The following MAPKAP1 variants were observed in gnomAD, a reference collection of about 807,000 sequenced individuals.
MAPKAP1 encodes the protein target of rapamycin complex 2 subunit MAPKAP1.
A neutral mutation model predicts 65.7 loss-of-function variants in MAPKAP1; 20 were observed. The observed-to-expected ratio is 0.30, with a 90% CI of 0.21 to 0.44. The LOEUF (loss-of-function observed/expected upper bound fraction) is 0.44. Ranked by LOEUF, MAPKAP1 falls within the 20% of genes least tolerant of loss-of-function variation. The pLI is 1.00. For synonymous variants in MAPKAP1, 222 were observed against 244.3 expected (o/e 0.91, Z 0.85); for missense variants, 423 against 648.0 (o/e 0.65, Z 3.77).
chr9:125,622,953 C>T (rs527777283), intron 4 of MAPKAP1, among the ~76,000 whole-genome samples: 5 of 152,280 alleles, frequency 3.3e-5, no homozygotes, highest in East Asian at 3.9e-4. Flanking sequence ...ATTGCAGGCA[C>T]GCGCCGCCAC....
chr9:125,530,015 G>C (rs1829888745), intron 7 of MAPKAP1, among the ~76,000 whole-genome samples: 1 of 152,194 alleles, frequency 6.6e-6, no homozygotes, highest in Non-Finnish European at 1.5e-5. Context: ...AATTACTATT[G>C]GAGTTGTTTA....
chr9:125,695,121 T>C (rs1835345165), intron 1 of MAPKAP1, among the ~76,000 whole-genome samples: 2 of 152,228 alleles, frequency 1.3e-5, no homozygotes, highest in South Asian at 4.1e-4. Context: ...TGGGGATGTG[T>C]CCGTATTTTA....
chr9:125,468,406 C>T (rs931378460), intron 9 of MAPKAP1, among the ~76,000 whole-genome samples: 1 of 152,318 alleles, frequency 6.6e-6, no homozygotes, highest in South Asian at 2.1e-4. Flanking sequence ...GGATCCAACA[C>T]AGAGAGGCTA....
chr9:125,465,022 A>C (rs553643951), intron 10 of MAPKAP1, among the ~76,000 whole-genome samples: 7 of 152,194 alleles, frequency 4.6e-5, no homozygotes, highest in African/African-American at 7.2e-5. Flanking sequence ...CCCTACACTT[A>C]ATGTCTTTTT....
At chr9:125,689,788 T>C (rs1022680174) in intron 1 of MAPKAP1, among the ~76,000 whole-genome samples, 4 of 143,812 alleles carry the variant, frequency 2.8e-5, no homozygotes, top group African/African-American at 1.0e-4. Flanking sequence ...TAGAGGAGTC[T>C]ATAACAATGT....
intron 4 of MAPKAP1, among the ~76,000 whole-genome samples, chr9:125,623,768 C>T (rs1473707347): frequency 6.2e-4 from 26 of 41,822 alleles, no homozygotes; most frequent in East Asian, 1.5e-3. Flanking sequence ...GGGGGTCAGC[C>T]CCCCCGCCCG....
At chr9:125,626,222 C>A (rs951969649) in intron 4 of MAPKAP1, among the ~76,000 whole-genome samples, 13 of 152,212 alleles carry the variant, frequency 8.5e-5, no homozygotes, top group African/African-American at 3.1e-4. Flanking sequence ...GGAAAGAACA[C>A]TTCTCTTTTT....
At chr9:125,541,576 T>C (rs1830249345) in intron 7 of MAPKAP1, among the ~76,000 whole-genome samples, 1 of 152,220 alleles carries the variant, frequency 6.6e-6, no homozygotes, top group African/African-American at 2.4e-5. Context: ...AGCTATTAGA[T>C]TGGCACCTGG....
At position 125,589,362 on chromosome 9, in the gene MAPKAP1, G is replaced by A. The variant is rs993802353; in HGVS notation, c.499-3635C>T. ...GAACTTCCTTGAGAGCAATGTTAAC[G>A]TCTGCTTTGTTTACTGTTCCATACA... On this transcript the variant is annotated intron_variant, in intron 4 of 11. Coordinates refer to ENST00000265960, the MANE Select transcript of MAPKAP1 (RefSeq NM_001006617.3). Among the ~76,000 whole-genome samples, 9 of 152,134 alleles carry A rather than the reference G, an allele frequency of 5.9e-5. 1 individual carries two copies. In the South Asian group the frequency reaches 1.0e-3, roughly 18 times the overall value.
chr9:125,610,093 G>A (rs954707727), intron 4 of MAPKAP1, among the ~76,000 whole-genome samples: 1 of 152,138 alleles, frequency 6.6e-6, no homozygotes, highest in African/African-American at 2.4e-5. Flanking sequence ...AGCTTTTTTG[G>A]AGGGAAAGTT....
At chr9:125,473,253 A>T (rs1853989214) in intron 9 of MAPKAP1, among the ~76,000 whole-genome samples, 1 of 152,094 alleles carries the variant, frequency 6.6e-6, no homozygotes, top group Non-Finnish European at 1.5e-5. Context: ...GTGGGGAAGA[A>T]AAGAGCACGG....
At chr9:125,634,501 TGTG>T (rs535648901) in intron 4 of MAPKAP1, among the ~76,000 whole-genome samples, 10 of 152,182 alleles carry the variant, frequency 6.6e-5, no homozygotes, top group Non-Finnish European at 1.2e-4. Context: ...AAATTAGACT[TGTG>T]GGGGAGTCTC....
At chr9:125,554,498 C>T (rs889556818) in intron 6 of MAPKAP1, among the ~76,000 whole-genome samples, 4 of 152,132 alleles carry the variant, frequency 2.6e-5, no homozygotes, top group African/African-American at 7.2e-5. Context: ...GTGGGCCAAA[C>T]GTAAAGTAGA....
At chr9:125,702,786 A>G (rs1835641395) in intron 1 of MAPKAP1, among the ~76,000 whole-genome samples, 1 of 151,888 alleles carries the variant, frequency 6.6e-6, no homozygotes, top group Admixed American at 6.6e-5. Flanking sequence ...CGGGAGGCGG[A>G]CATTGCAGTG....
intron 1 of MAPKAP1, among the ~76,000 whole-genome samples, chr9:125,680,272 C>T (rs981213801): frequency 6.6e-6 from 1 of 151,700 alleles, no homozygotes; most frequent in Non-Finnish European, 1.5e-5. Flanking sequence ...TTATATACAA[C>T]GTCTTGCCTT....
chr9:125,488,974 C>T (rs911199435), intron 8 of MAPKAP1, among the ~76,000 whole-genome samples: 4 of 152,174 alleles, frequency 2.6e-5, no homozygotes, highest in South Asian at 4.1e-4. Flanking sequence ...TGCATGTATA[C>T]GTTTACTGTT....
intron 1 of MAPKAP1, among the ~76,000 whole-genome samples, chr9:125,691,018 G>A (rs566564500): frequency 6.6e-6 from 1 of 152,258 alleles, no homozygotes; most frequent in East Asian, 1.9e-4. Context: ...TCCCAGCACT[G>A]TGGGAGGCCG....
chr9:125,521,653 T>C, intron 7 of MAPKAP1: 1 of 1,544,244 alleles, frequency 6.5e-7, no homozygotes, highest in Admixed American at 2.2e-5. Context: ...TTTCCCGTGA[T>C]GGCAAAGGTT....
chr9:125,655,650 A>G (rs1249654795), intron 4 of MAPKAP1, among the ~76,000 whole-genome samples: 1 of 152,232 alleles, frequency 6.6e-6, no homozygotes, highest in East Asian at 1.9e-4. Flanking sequence ...TTTTCATTAC[A>G]TATCTGCCAA....
Sources: allele counts gnomAD v4.1 joint callset (sites outside exome capture counted in the v4.1 genomes callset), GRCh38; gene constraint gnomAD v4.1.1; transcripts MANE v1.5; gene names NCBI Gene and HGNC (gene_info 2026-07-23, HGNC 2026-07-21).